The following ANKS1B variants were observed in gnomAD, a reference collection of about 807,000 sequenced individuals.
ANKS1B encodes ankyrin repeat and sterile alpha motif domain containing 1B.
In ANKS1B, 36 loss-of-function variants were observed where a neutral mutation model predicts 148.3. The observed-to-expected ratio is 0.24, with a 90% CI of 0.19 to 0.32. ANKS1B has a LOEUF of 0.32. ANKS1B is among the 10% of genes least tolerant of loss of function. ANKS1B has a pLI of 1.00. For synonymous variants in ANKS1B, 542 were observed against 560.8 expected, an observed-to-expected ratio of 0.97 and a Z score of 0.47; for missense variants, 1,157 against 1,542.6, an observed-to-expected ratio of 0.75 and a Z score of 4.19.
At chr12:98,814,314 G>A (rs2099122399) in intron 19 of ANKS1B, among the ~76,000 whole-genome samples, 2 of 152,202 alleles carry the variant, frequency 1.3e-5, no homozygotes, top group Admixed American at 1.3e-4. Flanking sequence ...TTGGAACACA[G>A]AAGGAACACA....
intron 14 of ANKS1B, among the ~76,000 whole-genome samples, chr12:99,214,260 C>T (rs2083797858): frequency 6.6e-6 from 1 of 152,118 alleles, no homozygotes; most frequent in Non-Finnish European, 1.5e-5. Flanking sequence ...TGGGAAATAA[C>T]TTATACTTTT....
At chr12:99,962,268 T>C (rs557485146) in intron 1 of ANKS1B, among the ~76,000 whole-genome samples, 1 of 152,272 alleles carries the variant, frequency 6.6e-6, no homozygotes, top group Non-Finnish European at 1.5e-5. Context: ...TTCTCATTGC[T>C]CAACTCCCAC....
intron 15 of ANKS1B, 79 bp downstream of exon 15, chr12:99,154,210 G>T: frequency 3.2e-6 from 5 of 1,551,090 alleles, no homozygotes; most frequent in Non-Finnish European, 4.4e-6. Flanking sequence ...TGCAAATCAG[G>T]CTGCCTCTGA....
chr12:99,651,848 C>G (rs2098421608), intron 9 of ANKS1B, among the ~76,000 whole-genome samples: 1 of 151,468 alleles, frequency 6.6e-6, no homozygotes, highest in African/African-American at 2.4e-5. Context: ...ATGGTTGAAT[C>G]CTAGGTAATA....
intron 9 of ANKS1B, among the ~76,000 whole-genome samples, chr12:99,615,808 G>C (rs558831230): frequency 7.9e-5 from 12 of 152,246 alleles, no homozygotes; most frequent in African/African-American, 1.9e-4. Flanking sequence ...TCAGGCAAGA[G>C]AAAGAAATAA....
intron 12 of ANKS1B, among the ~76,000 whole-genome samples, chr12:99,284,921 T>C (rs1367634245): frequency 6.6e-6 from 1 of 152,200 alleles, no homozygotes; most frequent in African/African-American, 2.4e-5. Context: ...TTTGTACATA[T>C]CTATATAGTG....
intron 9 of ANKS1B, among the ~76,000 whole-genome samples, chr12:99,653,647 A>T: frequency 6.6e-6 from 1 of 151,376 alleles, no homozygotes; most frequent in African/African-American, 2.4e-5. Context: ...CTTGATAAAG[A>T]AGACATTTTT....
At chr12:99,563,422 T>C (rs946626095) in intron 9 of ANKS1B, among the ~76,000 whole-genome samples, 1 of 152,106 alleles carries the variant, frequency 6.6e-6, no homozygotes, top group Non-Finnish European at 1.5e-5. Flanking sequence ...TTGGCTTAAT[T>C]TCTATATTGT....
intron 11 of ANKS1B, among the ~76,000 whole-genome samples, chr12:99,413,510 T>A (rs1313218227): frequency 6.6e-6 from 1 of 152,190 alleles, no homozygotes; most frequent in Non-Finnish European, 1.5e-5. Flanking sequence ...TTTTTAAAAA[T>A]CTACATTGTT....
At chr12:98,922,971 G>T (rs2099803441) in intron 17 of ANKS1B, among the ~76,000 whole-genome samples, 2 of 152,182 alleles carry the variant, frequency 1.3e-5, no homozygotes, top group African/African-American at 4.8e-5. Flanking sequence ...GAGGGGAGGT[G>T]CTGTGGTTTG....
At chr12:99,475,619 A>C (rs1397725610) in intron 10 of ANKS1B, among the ~76,000 whole-genome samples, 1 of 151,762 alleles carries the variant, frequency 6.6e-6, no homozygotes, top group Non-Finnish European at 1.5e-5. Flanking sequence ...ATTTTTTTGG[A>C]TGTAGTTCTT....
At chr12:99,528,325 CTGA>C (rs2096949225) in intron 9 of ANKS1B, among the ~76,000 whole-genome samples, 1 of 151,418 alleles carries the variant, frequency 6.6e-6, no homozygotes, top group Non-Finnish European at 1.5e-5. Flanking sequence ...CAAAGATTTC[CTGA>C]TGAAGATGCC....
intron 26 of ANKS1B, among the ~76,000 whole-genome samples, chr12:98,746,249 ACAGT>A (rs934730735): frequency 2.6e-5 from 4 of 152,094 alleles, no homozygotes; most frequent in Non-Finnish European, 5.9e-5. Context: ...GGTTTCCATC[ACAGT>A]CAGTCAGAAC....
At chr12:99,454,297 T>A (rs2095809255) in intron 10 of ANKS1B, among the ~76,000 whole-genome samples, 1 of 152,224 alleles carries the variant, frequency 6.6e-6, no homozygotes, top group Non-Finnish European at 1.5e-5. Context: ...CTTGAGGCTA[T>A]GATCAAATGC....
intron 22 of ANKS1B, among the ~76,000 whole-genome samples, chr12:98,782,894 A>G (rs546483503): frequency 6.6e-6 from 1 of 152,362 alleles, no homozygotes; most frequent in East Asian, 1.9e-4. Flanking sequence ...TCTTCCAACC[A>G]CTTCTTAAAA....
chr12:99,928,007 T>G (rs1326387154), intron 1 of ANKS1B, among the ~76,000 whole-genome samples: 2 of 152,076 alleles, frequency 1.3e-5, no homozygotes, highest in Non-Finnish European at 2.9e-5. Flanking sequence ...AATTGAGTGT[T>G]TTCTTAGCTG....
At chr12:98,894,774 C>T in intron 17 of ANKS1B, 1 of 985,206 alleles carries the variant, frequency 1.0e-6, no homozygotes, top group Non-Finnish European at 1.2e-6. Context: ...CGAATGCGAG[C>T]GGCGAGGCGA....
intron 15 of ANKS1B, among the ~76,000 whole-genome samples, chr12:99,150,384 T>C (rs1193904735): frequency 6.6e-6 from 1 of 152,150 alleles, no homozygotes; most frequent in Non-Finnish European, 1.5e-5. Flanking sequence ...CCAAATGTAT[T>C]TTTTTCATGT....
At chr12:99,174,168 C>T (rs1159449720) in intron 14 of ANKS1B, among the ~76,000 whole-genome samples, 1 of 152,130 alleles carries the variant, frequency 6.6e-6, no homozygotes, top group Non-Finnish European at 1.5e-5. Flanking sequence ...AAATCTATGG[C>T]CAACAGCCAT....
Sources: allele counts gnomAD v4.1 joint callset (sites outside exome capture counted in the v4.1 genomes callset), GRCh38; gene constraint gnomAD v4.1.1; transcripts MANE v1.5; gene names NCBI Gene and HGNC (gene_info 2026-07-23, HGNC 2026-07-21).